The following CYRIB variants were observed in gnomAD, a reference collection of about 807,000 sequenced individuals.
CYRIB encodes the protein CYFIP-related Rac1 interactor B.
Under a neutral mutation model 44.2 loss-of-function variants are expected in CYRIB, and 8 were observed. The ratio of observed to expected loss-of-function variants is 0.18; its 90% CI spans 0.11 to 0.33. CYRIB has a LOEUF of 0.33. CYRIB is among the 10% of genes least tolerant of loss of function. CYRIB has a pLI of 1.00. For synonymous variants in CYRIB, 131 were observed against 127.2 expected, an observed-to-expected ratio of 1.03 and a Z score of -0.20; for missense variants, 185 against 382.8, an observed-to-expected ratio of 0.48 and a Z score of 4.31.
chr8:129,849,302 T>C, exon 10 of CYRIB: 1 of 1,613,600 alleles, frequency 6.2e-7, no homozygotes, highest in Non-Finnish European at 8.5e-7. Flanking sequence ...TAGAGTATTA[T>C]GACACCCACC....
intron 1 of CYRIB, among the ~76,000 whole-genome samples, chr8:129,978,167 C>G (rs547243968): frequency 6.6e-6 from 1 of 152,260 alleles, no homozygotes; most frequent in South Asian, 2.1e-4. Context: ...ATCCTCCCAT[C>G]TAGGCTTCCC....
chr8:129,906,927 A>T (rs921113561), intron 1 of CYRIB, among the ~76,000 whole-genome samples: 1 of 152,136 alleles, frequency 6.6e-6, no homozygotes, highest in African/African-American at 2.4e-5. Flanking sequence ...TTAGAATGGC[A>T]ATCATTAAAA....
chr8:129,923,421 C>T (rs1425938395), intron 1 of CYRIB, among the ~76,000 whole-genome samples: 1 of 151,630 alleles, frequency 6.6e-6, no homozygotes, highest in East Asian at 2.0e-4. Context: ...ATTACAGGCG[C>T]TCGCCACCAC....
intron 2 of CYRIB, among the ~76,000 whole-genome samples, chr8:129,966,088 C>T (rs2095468423): frequency 6.6e-6 from 1 of 152,116 alleles, no homozygotes; most frequent in African/African-American, 2.4e-5. Flanking sequence ...AAACTCCTGG[C>T]CTCAAGTGAT....
intron 1 of CYRIB, among the ~76,000 whole-genome samples, chr8:130,001,874 G>A (rs1011316226): frequency 8.5e-5 from 13 of 152,120 alleles, no homozygotes; most frequent in African/African-American, 2.7e-4. Context: ...GGAAGGAATG[G>A]TGAGATTCTA....
chr8:129,935,413 G>C (rs538063307), intron 1 of CYRIB, among the ~76,000 whole-genome samples: 1 of 152,298 alleles, frequency 6.6e-6, no homozygotes, highest in Admixed American at 6.5e-5. Flanking sequence ...CCAAGCGTTA[G>C]ATTCTCACAT....
rs34206018 is a variant in CYRIB, at chr8:129,877,648, CAA to C, written c.73+1739_73+1740del. 2.3e-3 allele frequency among the ~76,000 whole-genome samples: 284 copies of C among 123,970 alleles called. 2 individuals are homozygous for C. Among genetic ancestry groups the C allele is most frequent in the African/African-American group, 4.1e-3 (126 of 30,516 alleles). The allele number at this position is 123,970 out of a possible 152,430, so 81.3% of individuals were successfully genotyped here. On this transcript the variant is annotated intron_variant, in intron 3 of 11. Coordinates refer to ENST00000519824, the Ensembl canonical transcript of CYRIB. Reference sequence around the variant, plus strand: ...TGGGTGACAGGGTAAGACCTCATATCAAAAAAAAAAAAAAGGTGTGTGTGTGT... The same window carrying C: ...TGGGTGACAGGGTAAGACCTCATATCAAAAAAAAAAAAGGTGTGTGTGTGT...
At chr8:129,885,808 A>AT (rs2062525072) in intron 2 of CYRIB, among the ~76,000 whole-genome samples, 1 of 152,084 alleles carries the variant, frequency 6.6e-6, no homozygotes, top group South Asian at 2.1e-4. Flanking sequence ...TATTCCACAC[A>AT]TTAAAAAAAA....
At chr8:129,865,150 G>A (rs528957351) in intron 4 of CYRIB, 1 of 152,916 alleles carries the variant, frequency 6.5e-6, no homozygotes, top group African/African-American at 2.4e-5. Context: ...ACAGTCTGCA[G>A]ATTATTTCAT....
At chr8:129,865,456 T>C (rs1207597875) in intron 4 of CYRIB, among the ~76,000 whole-genome samples, 1 of 152,228 alleles carries the variant, frequency 6.6e-6, no homozygotes, top group Non-Finnish European at 1.5e-5. Flanking sequence ...CTTAACCCTA[T>C]GTCGTGATCA....
At chr8:129,962,580 A>C (rs1289700616) in intron 2 of CYRIB, among the ~76,000 whole-genome samples, 9 of 152,122 alleles carry the variant, frequency 5.9e-5, no homozygotes, top group Non-Finnish European at 1.0e-4. Context: ...ACGTTTGGAA[A>C]CAGCTATCAT....
chr8:129,950,921 C>A (rs1453278738), intron 2 of CYRIB, among the ~76,000 whole-genome samples: 1 of 152,170 alleles, frequency 6.6e-6, no homozygotes, highest in Non-Finnish European at 1.5e-5. Context: ...CGATTTTGAG[C>A]AAGTCATTTA....
intron 6 of CYRIB, among the ~76,000 whole-genome samples, chr8:129,854,998 G>C (rs916004921): frequency 6.6e-6 from 1 of 152,154 alleles, no homozygotes; most frequent in Non-Finnish European, 1.5e-5. Context: ...AGCGGGAAAG[G>C]AGGAAGGGAG....
At chr8:129,997,839 C>T (rs2096809530) in intron 1 of CYRIB, among the ~76,000 whole-genome samples, 1 of 152,124 alleles carries the variant, frequency 6.6e-6, no homozygotes, top group Admixed American at 6.5e-5. Flanking sequence ...AGCTCAGAAA[C>T]AGGCCAGGCG....
intron 9 of CYRIB, chr8:129,849,825 C>CA (rs1448340439): frequency 9.1e-5 from 14 of 153,300 alleles, no homozygotes; most frequent in African/African-American, 3.1e-4. Context: ...TGGTTGTTAG[C>CA]ACCTATAGTG....
At chr8:129,855,358 T>C (rs546974075) in intron 6 of CYRIB, among the ~76,000 whole-genome samples, 1 of 150,012 alleles carries the variant, frequency 6.7e-6, no homozygotes, top group African/African-American at 2.5e-5. Context: ...GCCACTGCAC[T>C]CTACCCTGAG....
chr8:129,913,776 T>C (rs572092301), intron 1 of CYRIB, among the ~76,000 whole-genome samples: 1 of 152,274 alleles, frequency 6.6e-6, no homozygotes, highest in South Asian at 2.1e-4. Context: ...ATTGGGTTAT[T>C]ATGAAGATTA....
exon 12 of CYRIB, chr8:129,841,490 T>A (rs944205481): frequency 1.3e-5 from 2 of 152,636 alleles, no homozygotes; most frequent in Non-Finnish European, 2.9e-5. Flanking sequence ...GAAAGCTGAT[T>A]TTTATTTTAT....
At chr8:129,985,348 A>G (rs1291809912) in intron 1 of CYRIB, among the ~76,000 whole-genome samples, 1 of 152,062 alleles carries the variant, frequency 6.6e-6, no homozygotes, top group Non-Finnish European at 1.5e-5. Flanking sequence ...TCCACGCTCC[A>G]TCCTGGCCCG....
Sources: allele counts gnomAD v4.1 joint callset (sites outside exome capture counted in the v4.1 genomes callset), GRCh38; gene constraint gnomAD v4.1.1; transcripts MANE v1.5; gene names NCBI Gene and HGNC (gene_info 2026-07-23, HGNC 2026-07-21).